Variants in MAN2B1 observed in about 807,000 individuals in gnomAD.
The protein encoded by MAN2B1 is mannosidase alpha class 2B member 1.
A neutral mutation model predicts 127.5 loss-of-function variants in MAN2B1; 99 were observed. The ratio of observed to expected loss-of-function variants is 0.78; its 90% CI spans 0.66 to 0.92. The LOEUF (loss-of-function observed/expected upper bound fraction) is 0.92. Ranked by LOEUF, MAN2B1 falls within the 40% of genes least tolerant of loss-of-function variation. The probability of loss-of-function intolerance (pLI) is 0.00; values close to 1 mark genes in which losing one functional copy is unlikely to be tolerated. For synonymous variants in MAN2B1, 573 were observed against 568.8 expected (o/e 1.01, Z -0.11); for missense variants, 1,304 against 1,384.8 (o/e 0.94, Z 0.93).
At chr19:12,657,421 G>C in intron 11 of MAN2B1, 25 bp downstream of exon 11, 5 of 1,539,482 alleles carry the variant, frequency 3.2e-6, no homozygotes, top group Non-Finnish European at 4.4e-6. Flanking sequence ...CCACCCCCGT[G>C]TCTCCCAAGT....
chr19:12,649,856 CCCCTGGGCCCCAA>C, intron 18 of MAN2B1, 44 bp downstream of exon 18: 16 of 1,380,660 alleles, frequency 1.2e-5, no homozygotes, highest in Non-Finnish European at 1.6e-5. Flanking sequence ...TCCCTCACCA[CCCCTGGGCCCCAA>C]CACACCACAG....
At position 12,647,023 on chromosome 19, in the gene MAN2B1, G is replaced by T. The variant is rs1288882106; in HGVS notation, c.2923+210C>A. On this transcript the variant is annotated intron_variant, in intron 23 of 23. Transcript: ENST00000456935. This position sits in a 1 kb window ranked among gnomAD's most constrained non-coding sequence, Gnocchi z 4.9. The stretch of plus-strand genomic sequence containing the variant: ...GGGGATTTTCAAATCTTGTTCTTGG[G>T]ACTAAACAGCACCCACAAACCTCAA... 21 of 612,898 alleles carry T rather than the reference G, an allele frequency of 3.4e-5. No individual in the cohort carries two copies. Among genetic ancestry groups the T allele is most frequent in the Non-Finnish European group, 5.2e-5 (18 of 345,104 alleles). 38.0% of individuals were successfully genotyped at this position (612,898 alleles called of 1,614,324 possible). A position where few individuals can be genotyped will look rare whatever the true frequency, so the allele number is the denominator to read the frequency against.
chr19:12,662,952 AAT>A lies in MAN2B1; in HGVS notation c.909+363_909+364del, dbSNP rs796816205. 1.2e-3 allele frequency among the ~76,000 whole-genome samples: 164 copies of A among 133,666 alleles called. 1 individual carries two copies. Among genetic ancestry groups the A allele is most frequent in the African/African-American group, 4.4e-3 (153 of 34,830 alleles). 87.7% of individuals were successfully genotyped at this position (133,666 alleles called of 152,430 possible). A position where few individuals can be genotyped will look rare whatever the true frequency, so the allele number is the denominator to read the frequency against. Reference sequence around the variant, plus strand: ...GACTCTGTCTCAAAAAAAAAAAAATAATAATAAATAAATAAAAATGTTAAAAA... The same window carrying A: ...GACTCTGTCTCAAAAAAAAAAAAATAAATAAATAAATAAAAATGTTAAAAA... On this transcript the variant is annotated intron_variant, in intron 6 of 23. Coordinates refer to ENST00000456935, the MANE Select transcript of MAN2B1 (RefSeq NM_000528.4).
chr19:12,649,513 G>A (rs1295220485), intron 18 of MAN2B1, 85 bp from the exon 19 acceptor site: 29 of 542,742 alleles, frequency 5.3e-5, no homozygotes, highest in Admixed American at 5.1e-4. Context: ...ATGGAGTCTC[G>A]CTCTGTCACC....
At chr19:12,663,655 CT>C in intron 5 of MAN2B1, 47 bp downstream of exon 5, 5 of 1,577,476 alleles carry the variant, frequency 3.2e-6, no homozygotes, top group Non-Finnish European at 4.3e-6. Flanking sequence ...CAGGGCCCTT[CT>C]GAGTGTGTGG....
Position 12,647,761 on chromosome 19 carries a change from G to C in MAN2B1, c.2665-163C>G, listed in dbSNP as rs1465739361. 9 of 639,084 alleles carry C rather than the reference G, an allele frequency of 1.4e-5. No homozygotes were observed. Among genetic ancestry groups the C allele is most frequent in the Non-Finnish European group, 2.4e-5 (9 of 371,052 alleles). The allele number at this position is 639,084 out of a possible 1,614,324, so 39.6% of individuals were successfully genotyped here. A position where few individuals can be genotyped will look rare whatever the true frequency, so the allele number is the denominator to read the frequency against. ...GAGCGGCCAGGGCCGTGACAGGGAG[G>C]ACTGAGCCAATGGGGAGATGGGTCG... On this transcript the variant is annotated intron_variant, in intron 21 of 23. Coordinates refer to ENST00000456935, the MANE Select transcript of MAN2B1 (RefSeq NM_000528.4). This position sits in a 1 kb window ranked among gnomAD's most constrained non-coding sequence, Gnocchi z 4.9.
chr19:12,652,084 C>T (rs1448235665), intron 16 of MAN2B1, 69 bp downstream of exon 16: 3 of 1,204,772 alleles, frequency 2.5e-6, no homozygotes, highest in Admixed American at 3.4e-5. Flanking sequence ...CTACACATGG[C>T]CCACCACCCT....
At chr19:12,657,578 G>T (rs749565246) in intron 10 of MAN2B1, 23 bp from the exon 11 acceptor site, 119 of 1,534,378 alleles carry the variant, frequency 7.8e-5, no homozygotes, top group Non-Finnish European at 1.0e-4. Flanking sequence ...AATGAGTCCG[G>T]TGAGGTTCTG....
intron 14 of MAN2B1, among the ~76,000 whole-genome samples, chr19:12,655,198 C>T (rs779953139): frequency 1.3e-5 from 2 of 152,158 alleles, no homozygotes; most frequent in Non-Finnish European, 2.9e-5. Flanking sequence ...CCAAAGTCTT[C>T]CTGTTGGTCC....
In MAN2B1 at chr19:12,647,406, C is replaced by G; in HGVS notation, c.2820+37G>C. ...TTTCTCTTCTCTCCCTCTCTCTTGC[C>G]TCTCTCCGATCTCCTTCTCAATTTT... On this transcript the variant is annotated intron_variant, in intron 22 of 23. Transcript: ENST00000456935. This position sits in a 1 kb window ranked among gnomAD's most constrained non-coding sequence, Gnocchi z 4.9. The G allele has an allele frequency of 6.2e-7, 1 of 1,613,382 alleles. No homozygotes were observed. The highest frequency in any genetic ancestry group is 8.5e-7 in the Non-Finnish European group (1 of 1,179,318).
intron 3 of MAN2B1, 90 bp from the exon 4 acceptor site, chr19:12,665,075 T>C: frequency 7.8e-7 from 1 of 1,277,112 alleles, no homozygotes; most frequent in East Asian, 2.3e-5. Context: ...AGCCTGCCTG[T>C]GTACACATTT....
chr19:12,653,997 G>T (rs1291829458), intron 14 of MAN2B1, among the ~76,000 whole-genome samples: 2 of 151,666 alleles, frequency 1.3e-5, no homozygotes, highest in Admixed American at 6.6e-5. Context: ...GGGATTACAG[G>T]CATGAGCCAA....
chr19:12,657,480 G>C lies in MAN2B1; in HGVS notation c.1385C>G (p.Ala462Gly). Residue 462 changes from alanine to glycine, a missense_variant, in exon 11 of 24, where the codon GCG (alanine) becomes GGG (glycine). Physicochemically the swap from Ala to Gly is moderately conservative, Grantham distance 60. Coordinates refer to ENST00000456935, the MANE Select transcript of MAN2B1 (RefSeq NM_000528.4). ...CCCCCAGCCTGCCGCAAGCTGGCGC[G>C]CGTAGTCGTTGGCCACGTGCTGGCG... ...TSRQHVANDY[A>G]RQLAAGWGPC... 6.4e-7 allele frequency: 1 copy of C among 1,565,352 alleles called. No homozygotes were observed. Among genetic ancestry groups the C allele is most frequent in the Non-Finnish European group, 8.7e-7 (1 of 1,155,844 alleles).
chr19:12,646,868 T>C (rs758914143), intron 23 of MAN2B1, 136 bp from the exon 24 acceptor site: 14 of 677,802 alleles, frequency 2.1e-5, no homozygotes, highest in Admixed American at 4.8e-5. Flanking sequence ...CCCAGACTCT[T>C]AACCTGCTTC....
intron 14 of MAN2B1, among the ~76,000 whole-genome samples, chr19:12,653,366 C>T (rs559270662): frequency 1.4e-4 from 17 of 123,154 alleles, no homozygotes; most frequent in Admixed American, 3.6e-4. Flanking sequence ...ATGCTGGTCT[C>T]GAACTCCTGA....
At chr19:12,656,058 GAAA>G (rs969887969) in intron 13 of MAN2B1, 179 bp from the exon 14 acceptor site, 2 of 502,104 alleles carry the variant, frequency 4.0e-6, no homozygotes, top group Admixed American at 3.4e-5. Flanking sequence ...TCACCAGGTG[GAAA>G]AAAAAACCCA....
intron 14 of MAN2B1, among the ~76,000 whole-genome samples, chr19:12,653,491 G>A (rs965347528): frequency 6.6e-6 from 1 of 151,948 alleles, no homozygotes; most frequent in Admixed American, 6.6e-5. Flanking sequence ...GAGCGTGGTG[G>A]CTCACACCTG....
Position 12,650,124 on chromosome 19 carries a change from C to G in MAN2B1, c.2145G>C (p.Ser715=). ...CTCACCCCACAGGTATCGGCCCCAC[C>G]GACCACTCTAGCTCCAGGTGCCGCT... is the stretch of plus-strand genomic sequence containing the variant. ...PGQRHLELEW[S]VGPIPVGDTW... is the part of the protein sequence containing the mutation. Residue 715 remains serine (S), a synonymous_variant, in exon 17 of 24, where the codon TCG becomes TCC. Coordinates refer to ENST00000456935, the MANE Select transcript of MAN2B1 (RefSeq NM_000528.4). 1 of 1,614,068 alleles carries G rather than the reference C, an allele frequency of 6.2e-7. No individual in the cohort carries two copies.
At chr19:12,664,120 G>A (rs1182823669) in intron 4 of MAN2B1, among the ~76,000 whole-genome samples, 1 of 152,172 alleles carries the variant, frequency 6.6e-6, no homozygotes, top group African/African-American at 2.4e-5. Context: ...CATCTACTAG[G>A]GGGGCTGAGA....
Sources: gnomAD v4.1 joint callset for allele counts (sites outside exome capture counted in the v4.1 genomes callset) on GRCh38, gnomAD v4.1.1 for gene constraint, Gnocchi (gnomAD v3.1) non-coding constraint, MANE v1.5 for transcripts, NCBI Gene and HGNC (gene_info 2026-07-23, HGNC 2026-07-21) for gene names.